The following VWA8 variants were observed in gnomAD, a reference collection of about 807,000 sequenced individuals.
The protein encoded by VWA8 is von Willebrand factor A domain containing 8.
VWA8 carries 221 observed loss-of-function variants against 241.5 expected under a neutral mutation model. The ratio of observed to expected loss-of-function variants is 0.91; its 90% CI spans 0.82 to 1.02. The LOEUF (loss-of-function observed/expected upper bound fraction) is 1.02. Among genes scored for constraint, VWA8 ranks in the 50% least tolerant of loss-of-function variants. The pLI, the probability that VWA8 is intolerant of heterozygous loss-of-function variation, is 0.00. For synonymous variants in VWA8, 852 were observed against 827.1 expected (o/e 1.03, Z -0.52); for missense variants, 2,322 against 2,328.7 (o/e 1.00, Z 0.06).
intron 44 of VWA8, among the ~76,000 whole-genome samples, chr13:41,569,907 C>G (rs1206000949): frequency 1.3e-5 from 2 of 151,936 alleles, no homozygotes; most frequent in African/African-American, 4.8e-5. Context: ...TATGTTGTCG[C>G]CAAGTGTTTC....
intron 20 of VWA8, among the ~76,000 whole-genome samples, chr13:41,775,029 T>C (rs931752957): frequency 6.6e-6 from 1 of 152,118 alleles, no homozygotes; most frequent in African/African-American, 2.4e-5. Flanking sequence ...GAGGTTGAAA[T>C]ATAACACTGA....
At position 41,961,020 on chromosome 13, in the gene VWA8, C is replaced by G; in HGVS notation, c.-5G>C. On this transcript the variant is annotated 5_prime_UTR_variant, in exon 1 of 45. Transcript: ENST00000379310. ...GAGTAGAAGCCGGGATTGCATGGCG[C>G]CGGGGGGGCTGTCGGGGACGGCGAG... 3 of 1,364,536 alleles carry G rather than the reference C, an allele frequency of 2.2e-6. No individual in the cohort carries two copies. Among genetic ancestry groups the G allele is most frequent in the Non-Finnish European group, 2.8e-6 (3 of 1,065,762 alleles). 84.5% of individuals were successfully genotyped at this position (1,364,536 alleles called of 1,614,324 possible).
At chr13:41,954,086 C>T (rs1292287057) in intron 1 of VWA8, among the ~76,000 whole-genome samples, 1 of 152,186 alleles carries the variant, frequency 6.6e-6, no homozygotes, top group Non-Finnish European at 1.5e-5. Flanking sequence ...GCCATCTCTG[C>T]CTCAAACATT....
chr13:41,907,951 A>G (rs1593861211), intron 3 of VWA8, among the ~76,000 whole-genome samples: 2 of 152,178 alleles, frequency 1.3e-5, no homozygotes, highest in Non-Finnish European at 1.5e-5. Context: ...TCAAAATCCA[A>G]TTTTACAAAC....
At chr13:41,776,020 C>A (rs1259480374) in intron 20 of VWA8, among the ~76,000 whole-genome samples, 1 of 152,210 alleles carries the variant, frequency 6.6e-6, no homozygotes, top group Non-Finnish European at 1.5e-5. Context: ...ATCTAACCCA[C>A]CAAACCCTCA....
chr13:41,879,872 C>G lies in VWA8; in HGVS notation c.1080+3515G>C, dbSNP rs550522794. ...AAACTGAAGGTTCTATACAGAAAGC[C>G]ATACAGCTTAGTGGTCACATTCTAT... On this transcript the variant is annotated intron_variant, in intron 9 of 44. Coordinates refer to ENST00000379310, the MANE Select transcript of VWA8 (RefSeq NM_015058.2). 4.6e-5 allele frequency among the ~76,000 whole-genome samples: 7 copies of G among 152,246 alleles called. No homozygotes were observed. The East Asian group carries it at 1.4e-3, about 29-fold the overall frequency.
At chr13:41,590,840 A>G in intron 40 of VWA8, 75 bp from the exon 41 acceptor site, 1 of 1,561,470 alleles carries the variant, frequency 6.4e-7, no homozygotes, top group South Asian at 1.1e-5. Context: ...GTGCATGAAT[A>G]ACAGGAAACA....
chr13:41,755,259 C>G (rs1462733786), intron 21 of VWA8, among the ~76,000 whole-genome samples: 1 of 152,018 alleles, frequency 6.6e-6, no homozygotes, highest in Non-Finnish European at 1.5e-5. Flanking sequence ...TTCTCCACAT[C>G]TTCATCAGCA....
intron 17 of VWA8, among the ~76,000 whole-genome samples, chr13:41,790,993 G>C (rs1869432864): frequency 6.6e-6 from 1 of 151,836 alleles, no homozygotes; most frequent in Non-Finnish European, 1.5e-5. Flanking sequence ...ATTTAGGTTA[G>C]ATAATTTATC....
At chr13:41,829,876 A>C (rs1021187887) in intron 14 of VWA8, among the ~76,000 whole-genome samples, 1 of 152,160 alleles carries the variant, frequency 6.6e-6, no homozygotes, top group Non-Finnish European at 1.5e-5. Context: ...AGAAATCGCC[A>C]CTAAAGAACT....
At chr13:41,725,195 T>C (rs1368873278) in intron 24 of VWA8, among the ~76,000 whole-genome samples, 2 of 136,970 alleles carry the variant, frequency 1.5e-5, no homozygotes, top group Admixed American at 7.5e-5. Flanking sequence ...TGAAGCTGGG[T>C]AAGAAAAAAA....
chr13:41,737,810 A>AT (rs1228543394), intron 21 of VWA8, among the ~76,000 whole-genome samples: 4 of 151,938 alleles, frequency 2.6e-5, no homozygotes, highest in South Asian at 2.1e-4. Context: ...TGGACTATAC[A>AT]TTTTTTTTCC....
chr13:41,703,019 T>A (rs9566824), intron 27 of VWA8, among the ~76,000 whole-genome samples: 49,209 of 152,014 alleles, frequency 0.32, 8,266 homozygotes, highest in African/African-American at 0.45. Context: ...AAAATCAAAA[T>A]GCACAAAGTT....
chr13:41,840,589 C>T (rs933612340), intron 12 of VWA8, among the ~76,000 whole-genome samples: 9 of 151,872 alleles, frequency 5.9e-5, no homozygotes, highest in South Asian at 2.1e-4. Context: ...AAAACCCCAT[C>T]GCTACAAAAA....
chr13:41,780,751 T>C (rs1007725487), intron 19 of VWA8, among the ~76,000 whole-genome samples: 1 of 152,166 alleles, frequency 6.6e-6, no homozygotes, highest in Non-Finnish European at 1.5e-5. Context: ...CTCCTAATAC[T>C]TTAGGAACAA....
Position 41,925,919 on chromosome 13 carries a change from C to T in VWA8, c.242-13751G>A, listed in dbSNP as rs1876808619. 39 of 377,384 alleles carry T rather than the reference C, an allele frequency of 1.0e-4. No homozygotes were observed. The South Asian group carries it at 1.1e-3, about 11-fold the overall frequency. 23.4% of individuals were successfully genotyped at this position (377,384 alleles called of 1,614,324 possible). Reference sequence around the variant, plus strand: ...ATGCAGACATCTCATTCAATGACTTCATCCAAGAATATAGTCACCAGCAGC... The same window carrying T: ...ATGCAGACATCTCATTCAATGACTTTATCCAAGAATATAGTCACCAGCAGC... On this transcript the variant is annotated intron_variant, in intron 2 of 44. Transcript: ENST00000379310.
At chr13:41,928,597 G>A (rs897042958) in intron 2 of VWA8, among the ~76,000 whole-genome samples, 9 of 152,086 alleles carry the variant, frequency 5.9e-5, no homozygotes, top group Non-Finnish European at 1.3e-4. Context: ...TGTAGCAAAA[G>A]CAGTTCTAAG....
At chr13:41,943,900 A>C (rs1877715692) in intron 2 of VWA8, among the ~76,000 whole-genome samples, 1 of 152,038 alleles carries the variant, frequency 6.6e-6, no homozygotes, top group Non-Finnish European at 1.5e-5. Context: ...TCAGGAGTTC[A>C]AGACCAGCCT....
At chr13:41,872,209 C>G (rs1873663721) in intron 9 of VWA8, among the ~76,000 whole-genome samples, 1 of 152,052 alleles carries the variant, frequency 6.6e-6, no homozygotes, top group Non-Finnish European at 1.5e-5. Context: ...GATATTAGCC[C>G]TTTGTCAGAT....
Sources: allele counts gnomAD v4.1 joint callset (sites outside exome capture counted in the v4.1 genomes callset), GRCh38; gene constraint gnomAD v4.1.1; transcripts MANE v1.5; gene names NCBI Gene and HGNC (gene_info 2026-07-23, HGNC 2026-07-21).